Variants in CHMP2B observed in about 807,000 individuals in gnomAD.
CHMP2B encodes charged multivesicular body protein 2B.
A neutral mutation model predicts 29.8 loss-of-function variants in CHMP2B; 22 were observed. That is an observed-to-expected ratio of 0.74 (90% CI 0.53 to 1.05). The LOEUF (loss-of-function observed/expected upper bound fraction) is 1.05, where lower values mean the gene tolerates loss of function less well. Ranked by LOEUF, CHMP2B falls within the 50% of genes least tolerant of loss-of-function variation. CHMP2B has a pLI of 0.00. For missense variants in CHMP2B, 261 were observed against 252.2 expected (o/e 1.03, Z -0.24); for synonymous variants, 78 against 75.8 (o/e 1.03, Z -0.15).
intron 1 of CHMP2B, among the ~76,000 whole-genome samples, chr3:87,229,878 A>T (rs1038120145): frequency 3.3e-5 from 5 of 152,190 alleles, no homozygotes; most frequent in African/African-American, 7.2e-5. Context: ...ACAACATTAC[A>T]GCACTTATTA....
At chr3:87,237,530 A>T (rs1706037818) in intron 1 of CHMP2B, among the ~76,000 whole-genome samples, 1 of 152,220 alleles carries the variant, frequency 6.6e-6, no homozygotes, top group African/African-American at 2.4e-5. Flanking sequence ...CTACTTTGCG[A>T]TATTTCATTG....
At position 87,249,892 on chromosome 3, in the gene CHMP2B, CA is replaced by C. The variant is rs1706283497; in HGVS notation, c.341del (p.Lys114ArgfsTer20). ...TTAKTMQAVN[K>X]KMDPQKTLQT... ...ATTTAAAGACAATGCAGGCAGTTAACAAGAAGATGGATCCACAAAAGACATT... is the reference window on the plus strand; with the variant it reads ...ATTTAAAGACAATGCAGGCAGTTAACAGAAGATGGATCCACAAAAGACATT... On this transcript the variant is annotated frameshift_variant, in exon 4 of 6. Coordinates refer to ENST00000263780, the MANE Select transcript of CHMP2B (RefSeq NM_014043.4). LOFTEE classifies it high-confidence loss of function. The C allele has an allele frequency of 1.2e-6, 2 of 1,602,812 alleles. No homozygotes were observed. Among genetic ancestry groups the C allele is most frequent in the South Asian group, 2.2e-5 (2 of 90,096 alleles).
At chr3:87,250,067 G>A (rs1317852165) in intron 4 of CHMP2B, 90 bp downstream of exon 4, 20 of 770,204 alleles carry the variant, frequency 2.6e-5, no homozygotes, top group Non-Finnish European at 4.2e-5. Context: ...CATTCACGAA[G>A]GCAGAAATGA....
intron 2 of CHMP2B, among the ~76,000 whole-genome samples, chr3:87,243,074 C>A (rs1463055086): frequency 6.6e-6 from 1 of 152,082 alleles, no homozygotes; most frequent in Non-Finnish European, 1.5e-5. Context: ...GACATATTAA[C>A]ATTATGTCTT....
intron 1 of CHMP2B, among the ~76,000 whole-genome samples, chr3:87,231,203 G>A (rs1392802532): frequency 6.6e-6 from 1 of 152,026 alleles, no homozygotes; most frequent in Non-Finnish European, 1.5e-5. Context: ...ACAATTTGCT[G>A]AATATCTGTA....
At chr3:87,228,454 CT>C (rs1348222324) in intron 1 of CHMP2B, among the ~76,000 whole-genome samples, 1 of 152,198 alleles carries the variant, frequency 6.6e-6, no homozygotes. Flanking sequence ...CAAAGAATCA[CT>C]TCTTTGTAAG....
At chr3:87,243,655 A>G (rs914102844) in intron 2 of CHMP2B, among the ~76,000 whole-genome samples, 6 of 152,174 alleles carry the variant, frequency 3.9e-5, no homozygotes, top group Non-Finnish European at 8.8e-5. Flanking sequence ...TAAACTACAA[A>G]TTCTGTTTTA....
At position 87,227,476 on chromosome 3, in the gene CHMP2B, T is replaced by TGGGCCGGACCGGGCC. The variant is rs757832453; in HGVS notation, c.-45_-31dup. 2 of 1,613,038 alleles carry TGGGCCGGACCGGGCC rather than the reference T, an allele frequency of 1.2e-6. No homozygotes were observed. Among genetic ancestry groups the TGGGCCGGACCGGGCC allele is most frequent in the Admixed American group, 1.7e-5 (1 of 60,026 alleles). ...TTTTCCTCCTGTCCTTTGCCAGCGT[T>TGGGCCGGACCGGGCC]GGGCCGGACCGGGCCGAGCCGGGCC... is the stretch of plus-strand genomic sequence containing the variant. On this transcript the variant is annotated 5_prime_UTR_variant, in exon 1 of 6. Transcript: ENST00000263780.
At chr3:87,229,804 A>T (rs913162674) in intron 1 of CHMP2B, among the ~76,000 whole-genome samples, 1 of 152,052 alleles carries the variant, frequency 6.6e-6, no homozygotes, top group African/African-American at 2.4e-5. Context: ...TCCTGTTTGG[A>T]TTGGCTGGAA....
At chr3:87,248,709 C>T (rs1160121261) in intron 3 of CHMP2B, among the ~76,000 whole-genome samples, 1 of 146,806 alleles carries the variant, frequency 6.8e-6, no homozygotes, top group African/African-American at 2.5e-5. Flanking sequence ...TAGCTTTTAG[C>T]TAAATTTAAC....
At chr3:87,233,126 T>C (rs1705936608) in intron 1 of CHMP2B, among the ~76,000 whole-genome samples, 1 of 152,194 alleles carries the variant, frequency 6.6e-6, no homozygotes, top group African/African-American at 2.4e-5. Flanking sequence ...CTCTTGACGA[T>C]GTCTAGGTAG....
chr3:87,240,671 A>G (rs752352410), intron 1 of CHMP2B, 28 bp from the exon 2 acceptor site: 13 of 1,470,156 alleles, frequency 8.8e-6, no homozygotes, highest in Non-Finnish European at 1.2e-5. Context: ...CAACCCATAA[A>G]TTTAGGTTTC....
chr3:87,249,289 A>G (rs989020673), intron 3 of CHMP2B, among the ~76,000 whole-genome samples: 1 of 152,194 alleles, frequency 6.6e-6, no homozygotes, highest in Non-Finnish European at 1.5e-5. Context: ...AGCACATGAA[A>G]CATGATTGTA....
At chr3:87,249,769 A>G (rs1706280385) in intron 3 of CHMP2B, 106 bp from the exon 4 acceptor site, 1 of 653,038 alleles carries the variant, frequency 1.5e-6, no homozygotes, top group Admixed American at 2.8e-5. Flanking sequence ...CAGGATGGAT[A>G]TCTTTTTAAA....
At chr3:87,234,616 C>T (rs1705965566) in intron 1 of CHMP2B, among the ~76,000 whole-genome samples, 1 of 152,180 alleles carries the variant, frequency 6.6e-6, no homozygotes, top group Non-Finnish European at 1.5e-5. Flanking sequence ...CATATCATAT[C>T]CATGTACCTT....
chr3:87,245,990 C>A, intron 3 of CHMP2B, 82 bp downstream of exon 3: 1 of 1,138,356 alleles, frequency 8.8e-7, no homozygotes, highest in Non-Finnish European at 1.3e-6. Flanking sequence ...GATTTAAAAG[C>A]ACCTCCTGGT....
At chr3:87,244,028 T>C (rs1424385488) in intron 2 of CHMP2B, among the ~76,000 whole-genome samples, 3 of 136,704 alleles carry the variant, frequency 2.2e-5, no homozygotes, top group Non-Finnish European at 3.3e-5. Context: ...TTTTTGTTTT[T>C]TTTTTTTTGT....
Position 87,250,293 on chromosome 3 carries a change from A to G in CHMP2B, c.424+316A>G, listed in dbSNP as rs557259649. 2.0e-3 allele frequency among the ~76,000 whole-genome samples: 299 copies of G among 152,128 alleles called. 3 individuals are homozygous for G. The highest frequency in any genetic ancestry group is 6.7e-3 in the African/African-American group (279 of 41,574). The stretch of plus-strand genomic sequence containing the variant: ...TTGATACTGTAGAAGATTTGCCTGT[A>G]TTAGAGGTAGAGGTAATGGAGCTCT... On this transcript the variant is annotated intron_variant, in intron 4 of 5. Coordinates refer to ENST00000263780, the MANE Select transcript of CHMP2B (RefSeq NM_014043.4).
At position 87,245,899 on chromosome 3, in the gene CHMP2B, T is replaced by C. The variant is rs11540913; in HGVS notation, c.312T>C (p.Thr104=). 0.92 allele frequency: 1,480,268 copies of C among 1,610,386 alleles called. 685,636 individuals are homozygous for C. The highest frequency in any genetic ancestry group is 0.94 in the South Asian group (85,564 of 90,610). The stretch of plus-strand genomic sequence containing the variant: ...TGAAGATGGCTGGAGCAATGTCTAC[T>C]ACAGCAAAAGTAAGTGAGAGCTTTT... ...SQMKMAGAMS[T]TAKTMQAVNK... The change falls in exon 3 of 6, where the codon ACT becomes ACC. Residue 104 remains threonine, a synonymous_variant. Transcript: ENST00000263780.
Sources: gnomAD v4.1 joint callset for allele counts (sites outside exome capture counted in the v4.1 genomes callset) on GRCh38, gnomAD v4.1.1 for gene constraint, MANE v1.5 for transcripts, NCBI Gene and HGNC (gene_info 2026-07-23, HGNC 2026-07-21) for gene names.